Variants in NFIB observed in about 807,000 individuals in gnomAD.
NFIB encodes the protein nuclear factor I B.
NFIB carries 11 observed loss-of-function variants against 61.5 expected under a neutral mutation model. The observed-to-expected ratio is 0.18, with a 90% CI of 0.11 to 0.30. The LOEUF is 0.30. NFIB is among the 10% of genes least tolerant of loss of function. The pLI, the probability that NFIB is intolerant of heterozygous loss-of-function variation, is 1.00. For synonymous variants in NFIB, 260 were observed against 216.5 expected, an observed-to-expected ratio of 1.20 and a Z score of -1.76; for missense variants, 471 against 608.9, an observed-to-expected ratio of 0.77 and a Z score of 2.38.
intron 2 of NFIB, among the ~76,000 whole-genome samples, chr9:14,237,482 C>CAA (rs77303142): frequency 0.16 from 23,768 of 152,060 alleles, 2,123 homozygotes; most frequent in Non-Finnish European, 0.2. Flanking sequence ...AAAAGCTCTT[C>CAA]ATTATGTCTA....
At chr9:14,326,287 C>T (rs182385120) in intron 1 of NFIB, among the ~76,000 whole-genome samples, 2 of 152,190 alleles carry the variant, frequency 1.3e-5, no homozygotes, top group African/African-American at 4.8e-5. Context: ...ACCATTCCTA[C>T]AAGACATAGT....
At chr9:14,181,086 T>C (rs1163347137) in intron 2 of NFIB, among the ~76,000 whole-genome samples, 1 of 152,220 alleles carries the variant, frequency 6.6e-6, no homozygotes, top group African/African-American at 2.4e-5. Flanking sequence ...GTGATTAACA[T>C]ACTGAAATTG....
chr9:14,192,814 C>T (rs1199767881), intron 2 of NFIB, among the ~76,000 whole-genome samples: 1 of 152,154 alleles, frequency 6.6e-6, no homozygotes, highest in African/African-American at 2.4e-5. Context: ...TCTAACATTA[C>T]TGTAACTGGC....
chr9:14,233,889 T>G (rs927936656), intron 2 of NFIB, among the ~76,000 whole-genome samples: 1 of 152,232 alleles, frequency 6.6e-6, no homozygotes. Flanking sequence ...GAGGGCAGTT[T>G]TGTCACCATC....
At chr9:14,284,108 C>T (rs1345925965) in intron 2 of NFIB, among the ~76,000 whole-genome samples, 1 of 152,038 alleles carries the variant, frequency 6.6e-6, no homozygotes, top group Non-Finnish European at 1.5e-5. Context: ...TACTAGCTTT[C>T]GGATTGGAGA....
the NFIB span, among the ~76,000 whole-genome samples, chr9:14,433,944 G>A: frequency 6.6e-6 from 1 of 152,130 alleles, no homozygotes; most frequent in Non-Finnish European, 1.5e-5. Flanking sequence ...CCCTCCTGCC[G>A]TGACTCGGAT....
At chr9:14,428,104 C>T in the NFIB span, among the ~76,000 whole-genome samples, 1 of 151,338 alleles carries the variant, frequency 6.6e-6, no homozygotes, top group Non-Finnish European at 1.5e-5. Context: ...TGCCACCGTA[C>T]CTCGCTAATT....
intron 10 of NFIB, among the ~76,000 whole-genome samples, chr9:14,095,007 AC>A (rs1174952209): frequency 1.3e-5 from 2 of 152,144 alleles, no homozygotes; most frequent in African/African-American, 4.8e-5. Flanking sequence ...AATAAAGAGC[AC>A]AGGGCAAGAA....
At chr9:14,223,134 A>C (rs2051905998) in intron 2 of NFIB, among the ~76,000 whole-genome samples, 2 of 152,330 alleles carry the variant, frequency 1.3e-5, no homozygotes, top group South Asian at 4.1e-4. Context: ...CTGCATTCAA[A>C]GCGATCCTGG....
At chr9:14,163,553 A>C (rs527622090) in intron 3 of NFIB, among the ~76,000 whole-genome samples, 1 of 152,114 alleles carries the variant, frequency 6.6e-6, no homozygotes, top group East Asian at 1.9e-4. Context: ...TTATAAATGG[A>C]TAAAAGGCAC....
At chr9:14,166,686 C>T (rs544191356) in intron 3 of NFIB, among the ~76,000 whole-genome samples, 10 of 152,250 alleles carry the variant, frequency 6.6e-5, no homozygotes, top group South Asian at 6.2e-4. Context: ...CTAAATAAAC[C>T]TTGAATTTTC....
At chr9:14,213,449 T>G (rs1462290179) in intron 2 of NFIB, among the ~76,000 whole-genome samples, 1 of 152,200 alleles carries the variant, frequency 6.6e-6, no homozygotes, top group East Asian at 1.9e-4. Flanking sequence ...CCAGAGAGCT[T>G]GTCCTAACAG....
chr9:14,480,233 C>T, the NFIB span, among the ~76,000 whole-genome samples: 11 of 151,940 alleles, frequency 7.2e-5, no homozygotes, highest in East Asian at 1.7e-3. Context: ...AGTTTCAGTA[C>T]CTTGACCAGG....
At chr9:14,222,146 C>T (rs2051750473) in intron 2 of NFIB, among the ~76,000 whole-genome samples, 1 of 152,192 alleles carries the variant, frequency 6.6e-6, no homozygotes, top group African/African-American at 2.4e-5. Flanking sequence ...TCAACTGTTT[C>T]CAGTTCATCT....
At chr9:14,503,732 T>C in the NFIB span, among the ~76,000 whole-genome samples, 2 of 152,186 alleles carry the variant, frequency 1.3e-5, no homozygotes, top group Non-Finnish European at 2.9e-5. Flanking sequence ...AGTTATTTGT[T>C]GGATGTATAG....
chr9:14,490,682 T>C, the NFIB span, among the ~76,000 whole-genome samples: 3 of 152,292 alleles, frequency 2.0e-5, no homozygotes, highest in South Asian at 2.1e-4. Flanking sequence ...GAAGGTTGAA[T>C]ATACATAGGG....
At chr9:14,375,400 G>A (rs2061022056) in intron 1 of NFIB, among the ~76,000 whole-genome samples, 1 of 152,208 alleles carries the variant, frequency 6.6e-6, no homozygotes, top group African/African-American at 2.4e-5. Flanking sequence ...GCTCATGCCT[G>A]TAATCCCAGC....
chr9:14,363,636 CATAT>C (rs1345230869), intron 1 of NFIB, among the ~76,000 whole-genome samples: 1 of 121,612 alleles, frequency 8.2e-6, no homozygotes, highest in Non-Finnish European at 1.7e-5. Flanking sequence ...TGTACATATA[CATAT>C]ATATGTATAT....
chr9:14,430,353 G>A, the NFIB span, among the ~76,000 whole-genome samples: 1 of 147,242 alleles, frequency 6.8e-6, no homozygotes, highest in Non-Finnish European at 1.5e-5. Flanking sequence ...AGTTGACTCT[G>A]AGGAAGAAAA....
Sources: allele counts gnomAD v4.1 joint callset (sites outside exome capture counted in the v4.1 genomes callset), GRCh38; gene constraint gnomAD v4.1.1; transcripts MANE v1.5; gene names NCBI Gene and HGNC (gene_info 2026-07-23, HGNC 2026-07-21).